The following NELL1 variants were observed in gnomAD, a reference collection of about 807,000 sequenced individuals.
NELL1 encodes the protein protein kinase C-binding protein NELL1.
NELL1 carries 76 observed loss-of-function variants against 107.4 expected under a neutral mutation model. That is an observed-to-expected ratio of 0.71 (90% confidence interval 0.59 to 0.86). The LOEUF is 0.86. NELL1 is among the 40% of genes least tolerant of loss of function. NELL1 has a pLI of 0.00. For synonymous variants in NELL1, 353 were observed against 341.2 expected (o/e 1.03, Z -0.38); for missense variants, 1,024 against 1,005.5 (o/e 1.02, Z -0.25).
At chr11:21,071,198 C>T (rs1159417694) in intron 12 of NELL1, among the ~76,000 whole-genome samples, 1 of 152,132 alleles carries the variant, frequency 6.6e-6, no homozygotes, top group Non-Finnish European at 1.5e-5. Context: ...ATAGTAACAC[C>T]TCACTAGTAA....
chr11:21,138,147 C>T (rs530793076), intron 13 of NELL1, among the ~76,000 whole-genome samples: 97 of 152,060 alleles, frequency 6.4e-4, no homozygotes, highest in Non-Finnish European at 1.2e-3. Context: ...CTTATTCCCT[C>T]GGTGCTCTTG....
At chr11:20,820,627 G>C (rs1519743) in intron 3 of NELL1, among the ~76,000 whole-genome samples, 147,332 of 152,276 alleles carry the variant, frequency 0.97, 71,460 homozygotes, top group East Asian at 1. Flanking sequence ...CATTGTCACT[G>C]AGCTCAGCCA....
intron 12 of NELL1, among the ~76,000 whole-genome samples, chr11:21,057,746 A>G (rs1377247079): frequency 6.6e-6 from 1 of 152,130 alleles, no homozygotes; most frequent in African/African-American, 2.4e-5. Context: ...TTAAAAATGT[A>G]TCCCCAAAAT....
At chr11:21,451,164 G>A (rs1387488332) in intron 15 of NELL1, among the ~76,000 whole-genome samples, 1 of 139,746 alleles carries the variant, frequency 7.2e-6, no homozygotes, top group Non-Finnish European at 1.5e-5. Flanking sequence ...TCCAGCCTGG[G>A]CGACAGAGAT....
chr11:20,917,299 T>C (rs1850279194), intron 5 of NELL1, among the ~76,000 whole-genome samples: 1 of 151,972 alleles, frequency 6.6e-6, no homozygotes, highest in Non-Finnish European at 1.5e-5. Context: ...GTTATTTCTA[T>C]TAATATTTCC....
At chr11:21,217,570 G>C (rs181588947) in intron 13 of NELL1, among the ~76,000 whole-genome samples, 6 of 152,264 alleles carry the variant, frequency 3.9e-5, no homozygotes, top group East Asian at 1.9e-4. Flanking sequence ...AATGAGGAGA[G>C]GGTAGTTTGA....
chr11:21,213,083 T>G (rs1262339769), intron 13 of NELL1, among the ~76,000 whole-genome samples: 2 of 152,298 alleles, frequency 1.3e-5, no homozygotes, highest in African/African-American at 4.8e-5. Flanking sequence ...GAAACTAGAA[T>G]TAAGCACCTA....
intron 12 of NELL1, among the ~76,000 whole-genome samples, chr11:21,031,971 G>A (rs571505921): frequency 5.9e-4 from 90 of 151,770 alleles, no homozygotes; most frequent in African/African-American, 2.0e-3. Context: ...CTTGAACCTG[G>A]GAGGCGGAGG....
At chr11:21,476,199 A>T (rs1323414511) in intron 15 of NELL1, among the ~76,000 whole-genome samples, 3 of 152,144 alleles carry the variant, frequency 2.0e-5, no homozygotes, top group Non-Finnish European at 4.4e-5. Context: ...TAGAAAATAA[A>T]CTTATTAATT....
At chr11:21,185,951 T>C (rs1856926429) in intron 13 of NELL1, among the ~76,000 whole-genome samples, 1 of 151,752 alleles carries the variant, frequency 6.6e-6, no homozygotes, top group Non-Finnish European at 1.5e-5. Context: ...ATTGGTAGGA[T>C]GATGAAACTT....
chr11:21,016,440 A>C (rs116709296), intron 12 of NELL1, among the ~76,000 whole-genome samples: 19 of 152,158 alleles, frequency 1.2e-4, no homozygotes, highest in African/African-American at 4.6e-4. Flanking sequence ...GTTTGCCATG[A>C]TTTAGTTCCA....
chr11:21,180,870 CA>C (rs371471755), intron 13 of NELL1, among the ~76,000 whole-genome samples: 2,412 of 145,282 alleles, frequency 0.017, 98 homozygotes, highest in African/African-American at 0.055. Context: ...TATCTTGTTT[CA>C]AAAAAAAAAA....
At chr11:21,067,471 T>G (rs1486034966) in intron 12 of NELL1, among the ~76,000 whole-genome samples, 1 of 152,134 alleles carries the variant, frequency 6.6e-6, no homozygotes, top group East Asian at 1.9e-4. Flanking sequence ...TTCCGAGGCC[T>G]GTATGCTGGG....
chr11:21,320,323 G>A (rs1318491863), intron 14 of NELL1, among the ~76,000 whole-genome samples: 5 of 152,170 alleles, frequency 3.3e-5, no homozygotes, highest in Middle Eastern at 3.4e-3. Flanking sequence ...AAAACTGCTC[G>A]AGAGATCATG....
intron 12 of NELL1, among the ~76,000 whole-genome samples, chr11:21,061,311 T>G (rs1410262842): frequency 6.6e-6 from 1 of 152,080 alleles, no homozygotes; most frequent in Non-Finnish European, 1.5e-5. Context: ...ACCAGAATAA[T>G]GAAATAGAAT....
At chr11:21,407,603 A>G (rs549431282) in intron 15 of NELL1, among the ~76,000 whole-genome samples, 48 of 151,228 alleles carry the variant, frequency 3.2e-4, no homozygotes, top group African/African-American at 1.1e-3. Flanking sequence ...TACTCCTTAT[A>G]ATTATTCAAT....
chr11:21,203,572 C>G (rs1426045420), intron 13 of NELL1, among the ~76,000 whole-genome samples: 1 of 151,820 alleles, frequency 6.6e-6, no homozygotes, highest in Non-Finnish European at 1.5e-5. Context: ...ATCCAATTTG[C>G]CAGTCTGTGT....
intron 15 of NELL1, among the ~76,000 whole-genome samples, chr11:21,497,633 C>T (rs1056258825): frequency 4.0e-5 from 6 of 151,542 alleles, no homozygotes; most frequent in African/African-American, 1.5e-4. Context: ...TCATACCCCT[C>T]AAAGAAAAAA....
intron 3 of NELL1, among the ~76,000 whole-genome samples, chr11:20,836,387 T>C (rs1341098506): frequency 2.6e-5 from 4 of 152,104 alleles, no homozygotes; most frequent in African/African-American, 4.8e-5. Flanking sequence ...GAAGACAGTT[T>C]GGCAGTTTCT....
Sources: gnomAD v4.1 joint callset for allele counts (sites outside exome capture counted in the v4.1 genomes callset) on GRCh38, gnomAD v4.1.1 for gene constraint, MANE v1.5 for transcripts, NCBI Gene and HGNC (gene_info 2026-07-23, HGNC 2026-07-21) for gene names.